The following CADPS2 variants were observed in gnomAD, a reference collection of about 807,000 sequenced individuals.
The protein encoded by CADPS2 is calcium-dependent secretion activator 2.
Under a neutral mutation model 172.5 loss-of-function variants are expected in CADPS2, and 93 were observed. The observed-to-expected ratio is 0.54, with a 90% CI of 0.46 to 0.64. CADPS2 has a LOEUF of 0.64. Among genes scored for constraint, CADPS2 ranks in the 30% least tolerant of loss-of-function variants. The pLI, the probability that CADPS2 is intolerant of heterozygous loss-of-function variation, is 0.00. For synonymous variants in CADPS2, 546 were observed against 555.2 expected (o/e 0.98, Z 0.23); for missense variants, 1,420 against 1,565.9 (o/e 0.91, Z 1.57).
At chr7:122,359,655 T>A (rs2039881273) in intron 27 of CADPS2, among the ~76,000 whole-genome samples, 4 of 152,126 alleles carry the variant, frequency 2.6e-5, no homozygotes, top group Admixed American at 1.3e-4. Context: ...CCCTTAATTC[T>A]CCCTTTCATG....
chr7:122,537,093 A>G (rs1035756308), intron 8 of CADPS2, among the ~76,000 whole-genome samples: 2 of 152,016 alleles, frequency 1.3e-5, no homozygotes, highest in Admixed American at 6.6e-5. Flanking sequence ...CTAGATGATA[A>G]AATAATCTGT....
chr7:122,543,648 G>C (rs985290307), intron 8 of CADPS2, among the ~76,000 whole-genome samples: 1 of 152,102 alleles, frequency 6.6e-6, no homozygotes, highest in Non-Finnish European at 1.5e-5. Flanking sequence ...GAGTATTCAA[G>C]ATTATCTGGG....
intron 13 of CADPS2, among the ~76,000 whole-genome samples, chr7:122,473,364 C>G (rs2152188029): frequency 6.6e-6 from 1 of 152,252 alleles, no homozygotes; most frequent in Non-Finnish European, 1.5e-5. Flanking sequence ...CCTACTCTGG[C>G]TTGGGAGGCT....
At chr7:122,323,709 C>T (rs2033101393) in intron 29 of CADPS2, among the ~76,000 whole-genome samples, 1 of 151,552 alleles carries the variant, frequency 6.6e-6, no homozygotes, top group Admixed American at 6.6e-5. Context: ...CAGCTAACAC[C>T]AGGAGGCTGA....
chr7:122,712,568 A>G (rs2088919800), intron 2 of CADPS2, among the ~76,000 whole-genome samples: 2 of 152,132 alleles, frequency 1.3e-5, no homozygotes, highest in Admixed American at 1.3e-4. Flanking sequence ...GGTCATGGTT[A>G]TATTTTTTCC....
At chr7:122,470,273 GAA>G (rs2055742327) in intron 14 of CADPS2, among the ~76,000 whole-genome samples, 1 of 151,818 alleles carries the variant, frequency 6.6e-6, no homozygotes, top group Non-Finnish European at 1.5e-5. Context: ...ATAAACAATG[GAA>G]ATGTAAAAAA....
Position 122,395,955 on chromosome 7 carries a change from G to A in CADPS2, c.2747-2373C>T, listed in dbSNP as rs565014979. 2.6e-5 allele frequency among the ~76,000 whole-genome samples: 4 copies of A among 152,074 alleles called. No individual in the cohort carries two copies. The East Asian group carries it at 5.8e-4, about 22-fold the overall frequency. ...CTCCCGAGTAGCTGGGATTATAGGC[G>A]CATGCCACCATGCCCAGCTAATTTT... On this transcript the variant is annotated intron_variant, in intron 20 of 29. Transcript: ENST00000449022.
At chr7:122,431,900 G>A (rs969783205) in intron 17 of CADPS2, among the ~76,000 whole-genome samples, 4 of 116,622 alleles carry the variant, frequency 3.4e-5, no homozygotes, top group African/African-American at 6.6e-5. Context: ...CAGCCTGGGT[G>A]ACGAAGCAAG....
intron 2 of CADPS2, among the ~76,000 whole-genome samples, chr7:122,704,656 A>G (rs1194060214): frequency 6.6e-6 from 1 of 151,982 alleles, no homozygotes; most frequent in Non-Finnish European, 1.5e-5. Context: ...CATTCATTCT[A>G]TTTTTCTCAT....
At chr7:122,357,911 G>T (rs1296294438) in intron 27 of CADPS2, among the ~76,000 whole-genome samples, 2 of 152,142 alleles carry the variant, frequency 1.3e-5, no homozygotes, top group Admixed American at 6.6e-5. Context: ...TCCAGTTTGG[G>T]TGATTATAAA....
At chr7:122,459,811 T>C (rs933464324) in intron 14 of CADPS2, among the ~76,000 whole-genome samples, 1 of 152,234 alleles carries the variant, frequency 6.6e-6, no homozygotes, top group Non-Finnish European at 1.5e-5. Context: ...GGTCAGGTCA[T>C]GGGACACAAT....
At chr7:122,697,247 GAAT>G (rs1273602673) in intron 2 of CADPS2, among the ~76,000 whole-genome samples, 2 of 151,782 alleles carry the variant, frequency 1.3e-5, no homozygotes, top group South Asian at 4.2e-4. Context: ...TATTTATCAA[GAAT>G]AAGAATAATA....
chr7:122,392,307 T>C (rs1321223248), intron 22 of CADPS2, among the ~76,000 whole-genome samples: 1 of 151,806 alleles, frequency 6.6e-6, no homozygotes. Flanking sequence ...TGTAGAGTAG[T>C]AGTAATTATC....
intron 3 of CADPS2, among the ~76,000 whole-genome samples, chr7:122,634,387 G>A (rs567194976): frequency 1.0e-3 from 158 of 152,128 alleles, no homozygotes; most frequent in African/African-American, 3.2e-3. Context: ...CTTCCTGCCT[G>A]GTTCAATCTT....
intron 1 of CADPS2, among the ~76,000 whole-genome samples, chr7:122,761,912 C>T (rs1446139506): frequency 6.8e-6 from 1 of 148,116 alleles, no homozygotes; most frequent in African/African-American, 2.5e-5. Flanking sequence ...GTACAAGATT[C>T]TCTTGAACCC....
intron 8 of CADPS2, among the ~76,000 whole-genome samples, chr7:122,523,165 C>T (rs936938463): frequency 1.3e-5 from 2 of 152,184 alleles, no homozygotes; most frequent in South Asian, 2.1e-4. Flanking sequence ...TCCATAATGG[C>T]TGTACTAGTT....
At chr7:122,772,156 G>A (rs2093724711) in intron 1 of CADPS2, among the ~76,000 whole-genome samples, 1 of 152,176 alleles carries the variant, frequency 6.6e-6, no homozygotes, top group Non-Finnish European at 1.5e-5. Context: ...GAGAACTGAA[G>A]AACAGAGGTA....
intron 3 of CADPS2, among the ~76,000 whole-genome samples, chr7:122,640,496 T>C (rs900212891): frequency 7.4e-5 from 9 of 122,036 alleles, no homozygotes; most frequent in African/African-American, 1.8e-4. Flanking sequence ...CACACAGAGA[T>C]AGAGAGAGAG....
Position 122,387,060 on chromosome 7 carries a change from C to T in CADPS2, c.3278G>A (p.Ser1093Asn), listed in dbSNP as rs767841241. Residue 1093 changes from serine to asparagine, a missense_variant, in exon 24 of 30, where the codon AGC becomes AAC. Ser to Asn is a conservative substitution (Grantham distance 46, BLOSUM62 1). Transcript: ENST00000449022. ...FNVLVDAKKQSTKLCALDGGQ... is the reference protein window; with the variant it reads ...FNVLVDAKKQNTKLCALDGGQ... Reference sequence around the variant, plus strand: ...TCCATCCAGGGCACAGAGTTTGGTGCTTTGCTTTTTGGCATCGACTAATAC... The same window carrying T: ...TCCATCCAGGGCACAGAGTTTGGTGTTTTGCTTTTTGGCATCGACTAATAC... 5 of 1,559,760 alleles carry T rather than the reference C, an allele frequency of 3.2e-6. No individual in the cohort carries two copies. The East Asian group carries it at 9.5e-5, about 30-fold the overall frequency.
Sources: gnomAD v4.1 joint callset for allele counts (sites outside exome capture counted in the v4.1 genomes callset) on GRCh38, gnomAD v4.1.1 for gene constraint, MANE v1.5 for transcripts, NCBI Gene and HGNC (gene_info 2026-07-23, HGNC 2026-07-21) for gene names.